The following PCDHGA9 variants were observed in gnomAD, a reference collection of about 807,000 sequenced individuals.
PCDHGA9 encodes protocadherin gamma-A9.
In PCDHGA9, 37 loss-of-function variants were observed where a neutral mutation model predicts 62.5. The observed-to-expected ratio is 0.59, with a 90% CI of 0.46 to 0.78. The LOEUF (loss-of-function observed/expected upper bound fraction) is 0.78, where lower values mean the gene tolerates loss of function less well. PCDHGA9 is among the 30% of genes least tolerant of loss of function. PCDHGA9 has a pLI of 0.00. For missense variants in PCDHGA9, 1,138 were observed against 1,166.2 expected, an observed-to-expected ratio of 0.98 and a Z score of 0.35; for synonymous variants, 459 against 484.6, an observed-to-expected ratio of 0.95 and a Z score of 0.69.
chr5:141,409,951 G>C (rs1480000390), intron 1 of PCDHGA9: 1 of 1,613,256 alleles, frequency 6.2e-7, no homozygotes, highest in Non-Finnish European at 8.5e-7. Flanking sequence ...GCTCTGCAGA[G>C]CCCGGCTACC....
At chr5:141,458,989 T>C (rs1341538997) in intron 1 of PCDHGA9, among the ~76,000 whole-genome samples, 1 of 152,134 alleles carries the variant, frequency 6.6e-6, no homozygotes, top group Non-Finnish European at 1.5e-5. Flanking sequence ...TGCCTCACCC[T>C]CCCAAAGTGC....
intron 1 of PCDHGA9, among the ~76,000 whole-genome samples, chr5:141,482,329 T>A (rs1334833454): frequency 6.6e-6 from 1 of 152,160 alleles, no homozygotes; most frequent in Non-Finnish European, 1.5e-5. Context: ...ATAAAGAGAA[T>A]ATCTACTTTG....
chr5:141,423,462 C>G, intron 1 of PCDHGA9: 1 of 1,613,924 alleles, frequency 6.2e-7, no homozygotes, highest in Non-Finnish European at 8.5e-7. Flanking sequence ...TAGGCGTGGA[C>G]GGGGTACAGG....
chr5:141,453,524 C>T (rs1351750021), intron 1 of PCDHGA9, among the ~76,000 whole-genome samples: 1 of 152,060 alleles, frequency 6.6e-6, no homozygotes, highest in Non-Finnish European at 1.5e-5. Flanking sequence ...TCCCCTATAC[C>T]TTCTGCCTCA....
At position 141,431,555 on chromosome 5, in the gene PCDHGA9, G is replaced by A. The variant is rs2097394199; in HGVS notation, c.2424+26179G>A. On this transcript the variant is annotated intron_variant, in intron 1 of 3. Transcript: ENST00000573521. This position sits in a 1 kb window ranked among gnomAD's most constrained non-coding sequence, Gnocchi z 4.8. The stretch of plus-strand genomic sequence containing the variant: ...GGGCACGCAGCTGCTTGTAGTCAAC[G>A]CTACCGACCCTGACGAAGGAGTCAA... 1 of 1,614,014 alleles carries A rather than the reference G, an allele frequency of 6.2e-7. No individual in the cohort carries two copies. The highest frequency in any genetic ancestry group is 8.5e-7 in the Non-Finnish European group (1 of 1,180,032).
chr5:141,503,912 A>AAC (rs34419983), intron 2 of PCDHGA9, among the ~76,000 whole-genome samples: 3 of 152,280 alleles, frequency 2.0e-5, no homozygotes, highest in East Asian at 3.9e-4. Context: ...CACACAACGC[A>AAC]ACACACACAC....
At chr5:141,457,647 T>C (rs929739178) in intron 1 of PCDHGA9, among the ~76,000 whole-genome samples, 6 of 152,256 alleles carry the variant, frequency 3.9e-5, no homozygotes, top group Non-Finnish European at 8.8e-5. Context: ...ATTATTTGCA[T>C]GAAGTGCAGC....
chr5:141,476,554 G>A lies in PCDHGA9; in HGVS notation c.2425-18253G>A. On this transcript the variant is annotated intron_variant, in intron 1 of 3. Transcript: ENST00000573521. This position sits in a 1 kb window ranked among gnomAD's most constrained non-coding sequence, Gnocchi z 7.6. The stretch of plus-strand genomic sequence containing the variant: ...AGGAAATGAAATTGGAGATTAGCGA[G>A]GCCGTGGCTCCGGGGACGCGCTTTC... 1 of 1,614,232 alleles carries A rather than the reference G, an allele frequency of 6.2e-7. No individual in the cohort carries two copies. Among genetic ancestry groups the A allele is most frequent in the Non-Finnish European group, 8.5e-7 (1 of 1,180,036 alleles).
rs1421124374 is a variant in PCDHGA9, at chr5:141,431,186, A to G, written c.2424+25810A>G. The G allele has an allele frequency of 1.9e-6, 3 of 1,614,110 alleles. No individual in the cohort carries two copies. ...TGAAAGTGAATTAGAAATAAAAATT[A>G]GTGAAAATGCAGCCACTGAGATGCG... On this transcript the variant is annotated intron_variant, in intron 1 of 3. Transcript: ENST00000573521. This position sits in a 1 kb window ranked among gnomAD's most constrained non-coding sequence, Gnocchi z 4.8.
At chr5:141,480,021 C>T (rs1415230863) in intron 1 of PCDHGA9, among the ~76,000 whole-genome samples, 2 of 152,208 alleles carry the variant, frequency 1.3e-5, no homozygotes, top group East Asian at 3.8e-4. Flanking sequence ...AATCTCCTTT[C>T]TAAGCCTCTT....
Position 141,487,176 on chromosome 5 carries a change from A to G in PCDHGA9, c.2425-7631A>G. On this transcript the variant is annotated intron_variant, in intron 1 of 3. Coordinates refer to ENST00000573521, the MANE Select transcript of PCDHGA9 (RefSeq NM_018921.3). The surrounding 1 kb of genome is among the most constrained non-coding windows in gnomAD (Gnocchi z 5.0). ...ACTCTCTTAGTGTCCTTAGAGGAAGACACTCATCCAGTTGTCCCAGATCTT... is the reference window on the plus strand; with the variant it reads ...ACTCTCTTAGTGTCCTTAGAGGAAGGCACTCATCCAGTTGTCCCAGATCTT... 1 of 1,613,774 alleles carries G rather than the reference A, an allele frequency of 6.2e-7. No homozygotes were observed. The highest frequency in any genetic ancestry group is 8.5e-7 in the Non-Finnish European group (1 of 1,179,664).
intron 1 of PCDHGA9, chr5:141,427,749 A>G (rs770208196): frequency 4.6e-6 from 6 of 1,299,142 alleles, no homozygotes; most frequent in South Asian, 2.4e-5. Context: ...CTCCTACTCC[A>G]TCGTTACCAC....
intron 1 of PCDHGA9, among the ~76,000 whole-genome samples, chr5:141,469,172 A>C (rs1310781965): frequency 6.6e-6 from 1 of 152,050 alleles, no homozygotes; most frequent in Admixed American, 6.6e-5. Context: ...GCTACTTGGG[A>C]GGCTGAGGCA....
At chr5:141,506,566 T>C (rs909998933) in intron 3 of PCDHGA9, among the ~76,000 whole-genome samples, 33 of 152,022 alleles carry the variant, frequency 2.2e-4, no homozygotes, top group Non-Finnish European at 2.9e-5. Flanking sequence ...ACCCCCTCGG[T>C]TTCACTTACT....
Position 141,431,570 on chromosome 5 carries a change from G to T in PCDHGA9, c.2424+26194G>T. On this transcript the variant is annotated intron_variant, in intron 1 of 3. Coordinates refer to ENST00000573521, the MANE Select transcript of PCDHGA9 (RefSeq NM_018921.3). This position sits in a 1 kb window ranked among gnomAD's most constrained non-coding sequence, Gnocchi z 4.8. The stretch of plus-strand genomic sequence containing the variant: ...TGTAGTCAACGCTACCGACCCTGAC[G>T]AAGGAGTCAATGCGGAAGTGAGGTA... The T allele has an allele frequency of 6.2e-7, 1 of 1,614,172 alleles. No homozygotes were observed. Among genetic ancestry groups the T allele is most frequent in the Non-Finnish European group, 8.5e-7 (1 of 1,180,024 alleles).
rs756993242 is a variant in PCDHGA9 at position 141,432,265 on chromosome 5, G to T, written c.2424+26889G>T. 2.5e-6 allele frequency: 4 copies of T among 1,614,210 alleles called. No homozygotes were observed. The South Asian group carries it at 3.3e-5, about 13-fold the overall frequency. ...ACACCATCCAAGGGGCAAGCCTATC[G>T]TCCTACGTGTCCATCAACTCCGACA... On this transcript the variant is annotated intron_variant, in intron 1 of 3. Coordinates refer to ENST00000573521, the MANE Select transcript of PCDHGA9 (RefSeq NM_018921.3). This position sits in a 1 kb window ranked among gnomAD's most constrained non-coding sequence, Gnocchi z 6.0.
intron 1 of PCDHGA9, 59 bp downstream of exon 1, chr5:141,405,435 T>TAG: frequency 6.8e-7 from 1 of 1,463,324 alleles, no homozygotes; most frequent in Non-Finnish European, 9.3e-7. Flanking sequence ...TTGTTTTGTT[T>TAG]TTGAGACAGA....
intron 1 of PCDHGA9, among the ~76,000 whole-genome samples, chr5:141,406,485 G>T (rs2094815755): frequency 6.6e-6 from 1 of 152,142 alleles, no homozygotes; most frequent in Non-Finnish European, 1.5e-5. Flanking sequence ...ATATTTTTCA[G>T]ATCACAAGTG....
intron 1 of PCDHGA9, among the ~76,000 whole-genome samples, chr5:141,457,387 T>A (rs530736201): frequency 2.0e-5 from 3 of 152,340 alleles, no homozygotes; most frequent in Non-Finnish European, 2.9e-5. Context: ...AGAACTAGCA[T>A]ATTGATTCAC....
Sources: gnomAD v4.1 joint callset for allele counts (sites outside exome capture counted in the v4.1 genomes callset) on GRCh38, gnomAD v4.1.1 for gene constraint, Gnocchi (gnomAD v3.1) non-coding constraint, MANE v1.5 for transcripts, NCBI Gene and HGNC (gene_info 2026-07-23, HGNC 2026-07-21) for gene names.